FAM200B: variants seen among roughly 807,000 people sequenced by gnomAD.
FAM200B encodes the protein zinc finger BED-type containing 11.
A neutral mutation model predicts 33.1 loss-of-function variants in FAM200B; 32 were observed. That is an observed-to-expected ratio of 0.97 (90% CI 0.73 to 1.30). The LOEUF is 1.30. Ranked by LOEUF, FAM200B falls within the 50% of genes most tolerant of loss-of-function variation. The pLI is 0.00. For synonymous variants in FAM200B, 240 were observed against 264.8 expected (o/e 0.91, Z 0.91); for missense variants, 741 against 754.0 (o/e 0.98, Z 0.20).
chr4:15,663,996 G>A, the FAM200B span, among the ~76,000 whole-genome samples: 1 of 152,074 alleles, frequency 6.6e-6, no homozygotes, highest in Admixed American at 6.6e-5. Flanking sequence ...CTCTTATCCT[G>A]ATTTTTCAGA....
the FAM200B span, among the ~76,000 whole-genome samples, chr4:15,661,116 A>T: frequency 6.6e-6 from 1 of 151,974 alleles, no homozygotes; most frequent in African/African-American, 2.4e-5. Flanking sequence ...ACGAATCATT[A>T]TTTTATTTGT....
chr4:15,640,181 C>A, the FAM200B span, among the ~76,000 whole-genome samples: 1 of 152,046 alleles, frequency 6.6e-6, no homozygotes, highest in Admixed American at 6.5e-5. Flanking sequence ...GCTGAGATGA[C>A]AGGCACATGC....
upstream of FAM200B, among the ~76,000 whole-genome samples, chr4:15,678,486 A>G (rs1175578516): frequency 6.6e-6 from 1 of 152,218 alleles, no homozygotes; most frequent in African/African-American, 2.4e-5. Flanking sequence ...GTTACAATTC[A>G]TGCAAACGAA....
At chr4:15,655,193 C>A in the FAM200B span, 53 of 1,393,598 alleles carry the variant, frequency 3.8e-5, no homozygotes, top group Middle Eastern at 4.4e-4. Flanking sequence ...GGAGGCTCAG[C>A]GCTCCGTTAC....
chr4:15,639,500 T>A, the FAM200B span, among the ~76,000 whole-genome samples: 2 of 152,254 alleles, frequency 1.3e-5, no homozygotes, highest in Non-Finnish European at 2.9e-5. Context: ...CAGTGGTTCC[T>A]ACAAGAATTA....
chr4:15,687,333 T>C lies in FAM200B; in HGVS notation c.356T>C (p.Leu119Pro). The C allele has an allele frequency of 6.5e-7, 1 of 1,545,558 alleles. No homozygotes were observed. The highest frequency in any genetic ancestry group is 2.5e-5 in the East Asian group (1 of 40,814). Residue 119 changes from leucine (L) to proline (P), a missense_variant, in exon 2 of 2, where the codon CTT (leucine) becomes CCT (proline). Leu to Pro is a moderately conservative substitution (Grantham distance 98, BLOSUM62 -3). Coordinates refer to ENST00000422728, the MANE Select transcript of FAM200B (RefSeq NM_001145191.2). ...CATGCTGAACTTATTGATAAGCCTC[T>C]TGAATATTTTCAAAGAAAGAAAAAA... ...TQHAELIDKPLEYFQRKKKDI... is the reference protein window; with the variant it reads ...TQHAELIDKPPEYFQRKKKDI...
chr4:15,652,739 T>G, the FAM200B span, among the ~76,000 whole-genome samples: 1 of 152,202 alleles, frequency 6.6e-6, no homozygotes, highest in Non-Finnish European at 1.5e-5. Context: ...ACATTCTACT[T>G]GAGAAGTTCA....
Position 15,688,951 on chromosome 4 carries a change from G to A in FAM200B, c.1974G>A (p.Ter658=), listed in dbSNP as rs1207528955. 1 of 1,435,204 alleles carries A rather than the reference G, an allele frequency of 7.0e-7. No homozygotes were observed. The highest frequency in any genetic ancestry group is 2.9e-5 in the Admixed American group (1 of 33,900). The allele number at this position is 1,435,204 out of a possible 1,614,324, so 88.9% of individuals were successfully genotyped here. Residue 658 remains the stop codon, a stop_retained_variant, in exon 2 of 2, where the codon TAG becomes TAA. Coordinates refer to ENST00000422728, the MANE Select transcript of FAM200B (RefSeq NM_001145191.2). The part of the protein sequence containing the change: ...ELMNRQAHPS[*] ...TGAACAGGCAAGCACACCCATCATAGTAAATAAAAATCTTACCTAGCTTTT... is the reference window on the plus strand; with the variant it reads ...TGAACAGGCAAGCACACCCATCATAATAAATAAAAATCTTACCTAGCTTTT...
the FAM200B span, chr4:15,640,833 C>T: frequency 6.4e-7 from 1 of 1,567,880 alleles, no homozygotes; most frequent in Non-Finnish European, 8.6e-7. Flanking sequence ...TTGTAAAAGC[C>T]TCCAATCTCT....
At chr4:15,649,818 A>G in the FAM200B span, among the ~76,000 whole-genome samples, 2 of 152,180 alleles carry the variant, frequency 1.3e-5, no homozygotes, top group Admixed American at 6.5e-5. Flanking sequence ...TAAAAAGTAG[A>G]TATCAAAATC....
chr4:15,655,255 G>A, the FAM200B span: 1 of 1,444,030 alleles, frequency 6.9e-7, no homozygotes. Flanking sequence ...GTGGGGCGGT[G>A]AAGACGTCCA....
chr4:15,682,775 G>A (rs1369708559), intron 1 of FAM200B, among the ~76,000 whole-genome samples: 1 of 152,180 alleles, frequency 6.6e-6, no homozygotes, highest in Non-Finnish European at 1.5e-5. Context: ...AGAATAAATA[G>A]GACTTCATGT....
At chr4:15,644,661 C>G in the FAM200B span, 4 of 1,613,044 alleles carry the variant, frequency 2.5e-6, no homozygotes, top group Non-Finnish European at 3.4e-6. Context: ...ACAAAGACTG[C>G]AGAAGAGCAC....
the FAM200B span, chr4:15,640,921 T>G: frequency 8.5e-7 from 1 of 1,171,228 alleles, no homozygotes; most frequent in Non-Finnish European, 1.2e-6. Context: ...TATAAAAGTT[T>G]CGCTTCATTA....
chr4:15,677,642 G>A (rs560513177), upstream of FAM200B, among the ~76,000 whole-genome samples: 1 of 152,108 alleles, frequency 6.6e-6, no homozygotes, highest in Non-Finnish European at 1.5e-5. Flanking sequence ...GTGCTGGGAG[G>A]GTGGCACAGA....
At position 15,687,996 on chromosome 4, in the gene FAM200B, A is replaced by G. The variant is rs1410656785; in HGVS notation, c.1019A>G (p.Gln340Arg). The G allele has an allele frequency of 6.4e-7, 1 of 1,551,094 alleles. No homozygotes were observed. Among genetic ancestry groups the G allele is most frequent in the East Asian group, 2.4e-5 (1 of 40,872 alleles). Residue 340 changes from glutamine to arginine, a missense_variant, in exon 2 of 2, where the codon CAG becomes CGG. Coordinates refer to ENST00000422728, the MANE Select transcript of FAM200B (RefSeq NM_001145191.2). ...REGLASREIP[Q>R]NLMEVLKNAV... ...GGTTTAGCATCCAGAGAAATTCCAC[A>G]GAATCTCATGGAGGTATTGAAAAAT... is the stretch of plus-strand genomic sequence containing the variant.
the FAM200B span, among the ~76,000 whole-genome samples, chr4:15,661,729 T>C: frequency 6.6e-6 from 1 of 152,218 alleles, no homozygotes; most frequent in Non-Finnish European, 1.5e-5. Context: ...CTTAAATGGC[T>C]TTATTATTTC....
Position 15,688,275 on chromosome 4 carries a change from C to G in FAM200B, c.1298C>G (p.Thr433Ser). The G allele has an allele frequency of 1.9e-6, 3 of 1,548,340 alleles. No individual in the cohort carries two copies. In the South Asian group the frequency reaches 3.6e-5, roughly 18 times the overall value. The stretch of plus-strand genomic sequence containing the variant: ...TGGGTAACAAAATTGGCATATTTAA[C>G]TGATATTTTTAGCATTCTTAATGAA... ...DTWVTKLAYL[T>S]DIFSILNELS... Residue 433 changes from threonine to serine, a missense_variant, in exon 2 of 2, where the codon ACT becomes AGT. Thr to Ser is a moderately conservative substitution (Grantham distance 58, BLOSUM62 1). Coordinates refer to ENST00000422728, the MANE Select transcript of FAM200B (RefSeq NM_001145191.2).
At chr4:15,654,658 G>A in the FAM200B span, among the ~76,000 whole-genome samples, 2 of 152,220 alleles carry the variant, frequency 1.3e-5, no homozygotes, top group African/African-American at 4.8e-5. Flanking sequence ...AAAGCCGGGG[G>A]TAAAAGGAAC....
Sources: gnomAD v4.1 joint callset for allele counts (sites outside exome capture counted in the v4.1 genomes callset) on GRCh38, gnomAD v4.1.1 for gene constraint, MANE v1.5 for transcripts, NCBI Gene and HGNC (gene_info 2026-07-23, HGNC 2026-07-21) for gene names.